The following LNX1 variants were observed in gnomAD, a reference collection of about 807,000 sequenced individuals.
LNX1 encodes E3 ubiquitin-protein ligase LNX.
In LNX1, 54 loss-of-function variants were observed where a neutral mutation model predicts 68.4. That is an observed-to-expected ratio of 0.79 (90% CI 0.63 to 0.99). The LOEUF is 0.99. Among genes scored for constraint, LNX1 ranks in the 50% least tolerant of loss-of-function variants. The probability of loss-of-function intolerance (pLI) is 0.00; values close to 1 mark genes in which losing one functional copy is unlikely to be tolerated. For missense variants in LNX1, 906 were observed against 926.4 expected, an observed-to-expected ratio of 0.98 and a Z score of 0.29; for synonymous variants, 336 against 350.0, an observed-to-expected ratio of 0.96 and a Z score of 0.45.
At chr4:53,468,136 T>G (rs1722846758) in intron 9 of LNX1, among the ~76,000 whole-genome samples, 1 of 152,158 alleles carries the variant, frequency 6.6e-6, no homozygotes, top group Non-Finnish European at 1.5e-5. Context: ...GACTAACAGC[T>G]GATCTCTCGG....
intron 2 of LNX1, among the ~76,000 whole-genome samples, chr4:53,522,366 AT>A (rs1300098481): frequency 6.6e-6 from 1 of 152,212 alleles, no homozygotes; most frequent in Non-Finnish European, 1.5e-5. Context: ...TACTGAAGTG[AT>A]TACTAAAGTC....
At chr4:53,579,255 G>C in intron 1 of LNX1, 2 of 984,554 alleles carry the variant, frequency 2.0e-6, no homozygotes, top group Non-Finnish European at 2.4e-6. Context: ...CCTTACGTAC[G>C]TGTATGATGG....
chr4:53,570,363 A>T (rs2109769753), intron 2 of LNX1, among the ~76,000 whole-genome samples: 1 of 149,756 alleles, frequency 6.7e-6, no homozygotes, highest in Non-Finnish European at 1.5e-5. Flanking sequence ...TGTCCTTTGT[A>T]GGGACATGGA....
intron 2 of LNX1, among the ~76,000 whole-genome samples, chr4:53,530,870 A>G (rs1727970121): frequency 6.6e-6 from 1 of 152,186 alleles, no homozygotes; most frequent in African/African-American, 2.4e-5. Context: ...GGGAATTAAA[A>G]TTGTAAAATG....
intron 9 of LNX1, among the ~76,000 whole-genome samples, chr4:53,473,639 C>T (rs539985832): frequency 6.6e-6 from 1 of 152,166 alleles, no homozygotes; most frequent in East Asian, 1.9e-4. Context: ...ACAACAGACA[C>T]CAGGGCCTAC....
chr4:53,567,256 C>T (rs1730764239), intron 2 of LNX1, among the ~76,000 whole-genome samples: 1 of 146,856 alleles, frequency 6.8e-6, no homozygotes, highest in African/African-American at 2.5e-5. Context: ...TAAAGCTCTC[C>T]TCAGCAAATG....
chr4:53,508,427 T>G, intron 2 of LNX1, 200 bp from the exon 3 acceptor site: 1 of 594,190 alleles, frequency 1.7e-6, no homozygotes, highest in African/African-American at 2.1e-5. Flanking sequence ...ATTCATAATT[T>G]GAGATTTTTT....
intron 2 of LNX1, among the ~76,000 whole-genome samples, chr4:53,529,724 T>C (rs1727886151): frequency 6.6e-6 from 1 of 152,126 alleles, no homozygotes; most frequent in South Asian, 2.1e-4. Context: ...AGAGCCACAT[T>C]GGAAAGAACT....
intron 2 of LNX1, among the ~76,000 whole-genome samples, chr4:53,511,365 G>A (rs188271669): frequency 2.0e-5 from 3 of 152,320 alleles, no homozygotes; most frequent in Non-Finnish European, 4.4e-5. Context: ...GCCAGGACAA[G>A]AACATACGGT....
chr4:53,478,868 A>G (rs1723739261), intron 7 of LNX1, 126 bp from the exon 8 acceptor site: 4 of 863,078 alleles, frequency 4.6e-6, no homozygotes, highest in Non-Finnish European at 7.2e-6. Flanking sequence ...TAAATTATGC[A>G]AAGTGCATAA....
chr4:53,587,623 C>T (rs1732256488), intron 1 of LNX1, among the ~76,000 whole-genome samples: 2 of 151,870 alleles, frequency 1.3e-5, no homozygotes, highest in African/African-American at 2.4e-5. Context: ...GACGGCATTT[C>T]GAGTAGTCAA....
At chr4:53,554,239 C>T (rs770070633) in intron 2 of LNX1, among the ~76,000 whole-genome samples, 3 of 152,206 alleles carry the variant, frequency 2.0e-5, no homozygotes, top group Non-Finnish European at 4.4e-5. Context: ...ACTCTCTCCC[C>T]TATATGTAAG....
rs34296513 is a variant in LNX1, at chr4:53,461,474, A to G, written c.2012T>C (p.Ile671Thr). Residue 671 changes from isoleucine (I) to threonine (T), a missense_variant, in exon 10 of 11, where the codon ATT becomes ACT. Coordinates refer to ENST00000263925, the MANE Select transcript of LNX1 (RefSeq NM_001126328.3). ...ATTGTATGCTGGTGTTCCTTCAACA[A>G]TGGATTTGATGAAAAAAGGTTTGTT... ...NGNKPFFIKS[I>T]VEGTPAYNDG... The G allele has an allele frequency of 7.4e-6, 12 of 1,612,198 alleles. No individual in the cohort carries two copies. The highest frequency in any genetic ancestry group is 3.3e-5 in the Admixed American group (2 of 59,812).
intron 1 of LNX1, among the ~76,000 whole-genome samples, chr4:53,649,314 G>T (rs1358922775): frequency 6.6e-6 from 1 of 152,130 alleles, no homozygotes; most frequent in Non-Finnish European, 1.5e-5. Flanking sequence ...CTATGTAAAA[G>T]AATTTAATTT....
chr4:53,537,570 C>T (rs1728459003), intron 2 of LNX1, among the ~76,000 whole-genome samples: 1 of 152,216 alleles, frequency 6.6e-6, no homozygotes, highest in South Asian at 2.1e-4. Flanking sequence ...AGTATTTTCT[C>T]ACTCTTTCCA....
intron 1 of LNX1, among the ~76,000 whole-genome samples, chr4:53,583,473 C>T (rs759286567): frequency 1.3e-5 from 2 of 151,790 alleles, no homozygotes; most frequent in African/African-American, 2.4e-5. Context: ...TCAATGATCT[C>T]GAAGAGGGAC....
intron 2 of LNX1, among the ~76,000 whole-genome samples, chr4:53,609,510 C>G (rs893890600): frequency 1.4e-5 from 2 of 146,662 alleles, no homozygotes; most frequent in East Asian, 3.9e-4. Flanking sequence ...TTTATTTATA[C>G]GGAAATTTTA....
chr4:53,536,559 G>C (rs886506401), intron 2 of LNX1, among the ~76,000 whole-genome samples: 2 of 152,152 alleles, frequency 1.3e-5, no homozygotes, highest in African/African-American at 4.8e-5. Flanking sequence ...TGGCAGTCCT[G>C]ATTTACCAGC....
At chr4:53,637,239 A>G (rs1401318776) in intron 1 of LNX1, among the ~76,000 whole-genome samples, 2 of 151,988 alleles carry the variant, frequency 1.3e-5, no homozygotes, top group African/African-American at 4.8e-5. Context: ...GCCCCTAAGA[A>G]ACTTGTGTTT....
Sources: gnomAD v4.1 joint callset for allele counts (sites outside exome capture counted in the v4.1 genomes callset) on GRCh38, gnomAD v4.1.1 for gene constraint, MANE v1.5 for transcripts, NCBI Gene and HGNC (gene_info 2026-07-23, HGNC 2026-07-21) for gene names.